HPSE2: variants seen among roughly 807,000 people sequenced by gnomAD.
The protein encoded by HPSE2 is heparanase 2 (inactive).
In HPSE2, 38 loss-of-function variants were observed where a neutral mutation model predicts 60.5. That is an observed-to-expected ratio of 0.63 (90% CI 0.48 to 0.82). The LOEUF (loss-of-function observed/expected upper bound fraction) is 0.82. Ranked by LOEUF, HPSE2 falls within the 40% of genes least tolerant of loss-of-function variation. HPSE2 has a pLI of 0.00. For synonymous variants in HPSE2, 295 were observed against 293.2 expected (o/e 1.01, Z -0.06); for missense variants, 713 against 740.4 (o/e 0.96, Z 0.43).
intron 9 of HPSE2, among the ~76,000 whole-genome samples, chr10:98,563,065 G>A (rs1018232573): frequency 2.6e-5 from 4 of 152,000 alleles, no homozygotes; most frequent in Non-Finnish European, 5.9e-5. Context: ...TGACCTAGCC[G>A]TTTCACTCTT....
At chr10:99,276,312 G>A in the HPSE2 span, among the ~76,000 whole-genome samples, 1 of 152,138 alleles carries the variant, frequency 6.6e-6, no homozygotes, top group Non-Finnish European at 1.5e-5. Flanking sequence ...ATTATTCTTT[G>A]TATCACTAAA....
At chr10:98,556,030 T>C (rs60708760) in intron 9 of HPSE2, among the ~76,000 whole-genome samples, 3,501 of 152,290 alleles carry the variant, frequency 0.023, 147 homozygotes, top group African/African-American at 0.079. Context: ...CAGAAAAGAC[T>C]GAGTTGAAGA....
intron 9 of HPSE2, among the ~76,000 whole-genome samples, chr10:98,495,175 T>G (rs1016683425): frequency 6.7e-6 from 1 of 149,958 alleles, no homozygotes; most frequent in Non-Finnish European, 1.5e-5. Context: ...TGTTGACAGT[T>G]TTTTTTTTTC....
chr10:98,628,097 T>C (rs1946265170), intron 7 of HPSE2, among the ~76,000 whole-genome samples: 1 of 152,194 alleles, frequency 6.6e-6, no homozygotes, highest in Admixed American at 6.5e-5. Flanking sequence ...TTCTAGAAAT[T>C]ATTAATGTTA....
intron 2 of HPSE2, among the ~76,000 whole-genome samples, chr10:99,179,831 T>C (rs1847687850): frequency 6.6e-6 from 1 of 151,354 alleles, no homozygotes; most frequent in African/African-American, 2.4e-5. Flanking sequence ...AGAACAAAGC[T>C]GGAGGCATCA....
intron 3 of HPSE2, among the ~76,000 whole-genome samples, chr10:98,885,879 T>C (rs1953149755): frequency 6.6e-6 from 1 of 152,034 alleles, no homozygotes. Context: ...CAGGTCTCCA[T>C]CCAAATTACT....
At chr10:98,755,086 G>C (rs1387896804) in intron 3 of HPSE2, among the ~76,000 whole-genome samples, 6 of 151,974 alleles carry the variant, frequency 3.9e-5, no homozygotes, top group African/African-American at 1.5e-4. Context: ...GTGGCAAGTA[G>C]GATAAAGAAG....
intron 3 of HPSE2, among the ~76,000 whole-genome samples, chr10:98,992,707 A>G (rs191701800): frequency 5.8e-4 from 88 of 152,352 alleles, no homozygotes; most frequent in African/African-American, 2.0e-3. Flanking sequence ...AAAGTACTTA[A>G]AGAAAGAAAT....
At chr10:98,709,794 C>A (rs2134215767) in intron 5 of HPSE2, among the ~76,000 whole-genome samples, 1 of 152,244 alleles carries the variant, frequency 6.6e-6, no homozygotes, top group Middle Eastern at 3.4e-3. Flanking sequence ...TATCACAGCT[C>A]TCTATTATAA....
chr10:99,250,012 G>A, the HPSE2 span, among the ~76,000 whole-genome samples: 11 of 151,946 alleles, frequency 7.2e-5, no homozygotes, highest in Admixed American at 2.0e-4. Flanking sequence ...GCATGGTGGC[G>A]GGTGCCTGTA....
the HPSE2 span, among the ~76,000 whole-genome samples, chr10:99,291,746 G>GC: frequency 6.6e-6 from 1 of 152,124 alleles, no homozygotes. Flanking sequence ...ATAGGGCTAG[G>GC]CCCATCACCC....
At chr10:99,048,024 C>A in intron 3 of HPSE2, 1 of 688,272 alleles carries the variant, frequency 1.5e-6, no homozygotes, top group South Asian at 1.5e-5. Context: ...AACAAGGCTG[C>A]AATTAATATG....
the HPSE2 span, among the ~76,000 whole-genome samples, chr10:99,308,398 G>GAAAAAAAAAAAAAAAAAAAAAAAAAAA: frequency 5.7e-3 from 322 of 56,250 alleles, no homozygotes; most frequent in Non-Finnish European, 7.1e-3. Context: ...AAAAAAAAAG[G>GAAAAAAAAAAAAAAAAAAAAAAAAAAA]AAACCATCAA....
At chr10:99,280,322 A>G in the HPSE2 span, among the ~76,000 whole-genome samples, 1 of 152,168 alleles carries the variant, frequency 6.6e-6, no homozygotes, top group Non-Finnish European at 1.5e-5. Context: ...TTGAAGAGAG[A>G]GGTCTGGCCA....
At chr10:98,741,946 T>G (rs1949507645) in intron 4 of HPSE2, among the ~76,000 whole-genome samples, 1 of 152,010 alleles carries the variant, frequency 6.6e-6, no homozygotes, top group African/African-American at 2.4e-5. Context: ...TAAGGTTAGG[T>G]GAGTGGTCAT....
At chr10:98,673,095 C>G (rs1947547983) in intron 6 of HPSE2, among the ~76,000 whole-genome samples, 1 of 152,128 alleles carries the variant, frequency 6.6e-6, no homozygotes, top group South Asian at 2.1e-4. Flanking sequence ...TATGAGGTTG[C>G]CAGCATCTGT....
At chr10:99,267,632 A>G in the HPSE2 span, among the ~76,000 whole-genome samples, 2 of 151,946 alleles carry the variant, frequency 1.3e-5, no homozygotes, top group Non-Finnish European at 2.9e-5. Flanking sequence ...AAATACAAAA[A>G]TTAGCCAGCG....
intron 3 of HPSE2, among the ~76,000 whole-genome samples, chr10:99,082,532 T>G (rs1313011537): frequency 1.3e-5 from 2 of 152,210 alleles, no homozygotes. Flanking sequence ...GCAGGTACCC[T>G]ACTTTCATCT....
chr10:98,615,292 G>T (rs958689921), intron 8 of HPSE2, among the ~76,000 whole-genome samples: 1 of 152,140 alleles, frequency 6.6e-6, no homozygotes, highest in Non-Finnish European at 1.5e-5. Context: ...TGTTGTGAAT[G>T]ACTTAACTTT....
Sources: gnomAD v4.1 joint callset for allele counts (sites outside exome capture counted in the v4.1 genomes callset) on GRCh38, gnomAD v4.1.1 for gene constraint, MANE v1.5 for transcripts, NCBI Gene and HGNC (gene_info 2026-07-23, HGNC 2026-07-21) for gene names.